RBPJ: variants seen among roughly 807,000 people sequenced by gnomAD.
RBPJ encodes the protein recombination signal binding protein for immunoglobulin kappa J region, also known as recombining binding protein suppressor of hairless.
A neutral mutation model predicts 67.8 loss-of-function variants in RBPJ; 9 were observed. The ratio of observed to expected loss-of-function variants is 0.13; its 90% CI spans 0.08 to 0.23. The LOEUF is 0.23. Among genes scored for constraint, RBPJ ranks in the 10% least tolerant of loss-of-function variants. The pLI is 1.00. For missense variants in RBPJ, 305 were observed against 595.6 expected (o/e 0.51, Z 5.08); for synonymous variants, 198 against 203.3 (o/e 0.97, Z 0.22).
intron 2 of RBPJ, among the ~76,000 whole-genome samples, chr4:26,402,510 G>A (rs182028980): frequency 3.3e-5 from 5 of 152,292 alleles, no homozygotes; most frequent in African/African-American, 1.2e-4. Context: ...ATAAAATAGA[G>A]ACTTTCATAC....
intron 1 of RBPJ, among the ~76,000 whole-genome samples, chr4:26,221,846 G>T (rs1433269824): frequency 6.6e-6 from 1 of 152,202 alleles, no homozygotes; most frequent in Non-Finnish European, 1.5e-5. Context: ...ACTTAAGGCT[G>T]GGTGCGGTGA....
At chr4:26,167,148 G>A (rs969118059) in intron 1 of RBPJ, among the ~76,000 whole-genome samples, 39 of 152,070 alleles carry the variant, frequency 2.6e-4, no homozygotes, top group Non-Finnish European at 5.2e-4. Flanking sequence ...GTCAGGTAGC[G>A]TGATGCCTCC....
chr4:26,415,042 G>T (rs1414453918), intron 3 of RBPJ, among the ~76,000 whole-genome samples: 1 of 152,126 alleles, frequency 6.6e-6, no homozygotes, highest in Non-Finnish European at 1.5e-5. Flanking sequence ...TAAGTTAAAT[G>T]CAGTATCCAT....
intron 2 of RBPJ, among the ~76,000 whole-genome samples, chr4:26,397,709 C>T (rs1347488759): frequency 1.3e-5 from 2 of 152,174 alleles, no homozygotes; most frequent in South Asian, 4.1e-4. Flanking sequence ...TCTTGCCTCA[C>T]TGCAACCTCC....
chr4:26,320,968 C>G, upstream of RBPJ: 2 of 1,612,174 alleles, frequency 1.2e-6, no homozygotes, highest in Non-Finnish European at 1.7e-6. Flanking sequence ...GGGAGAGGGA[C>G]CAGGGAAGGC....
the RBPJ span, among the ~76,000 whole-genome samples, chr4:26,155,586 C>A: frequency 6.6e-6 from 1 of 152,090 alleles, no homozygotes; most frequent in East Asian, 1.9e-4. Context: ...AGGCATGCAC[C>A]ACCACGCCTG....
rs773773046 is a variant in RBPJ, at chr4:26,430,529, G to A, written c.1148+7G>A. Reference sequence around the variant, plus strand: ...AAGCTGAAACTATGTACAGGTACTTGATAAAACTTTTTGCATCATCCAGAG... The same window carrying A: ...AAGCTGAAACTATGTACAGGTACTTAATAAAACTTTTTGCATCATCCAGAG... On this transcript the variant is annotated splice_region_variant and intron_variant, in intron 10 of 10. Transcript: ENST00000355476. The surrounding 1 kb of genome is among the most constrained non-coding windows in gnomAD (Gnocchi z 4.1). 1 of 1,590,338 alleles carries A rather than the reference G, an allele frequency of 6.3e-7. No individual in the cohort carries two copies. Among genetic ancestry groups the A allele is most frequent in the South Asian group, 1.2e-5 (1 of 86,930 alleles).
chr4:26,426,740 G>A (rs898441383), intron 7 of RBPJ, among the ~76,000 whole-genome samples: 4 of 152,104 alleles, frequency 2.6e-5, no homozygotes, highest in Admixed American at 6.5e-5. Context: ...TCAAAGAACC[G>A]GTAATTGAGT....
intron 2 of RBPJ, among the ~76,000 whole-genome samples, chr4:26,396,089 G>A (rs1732090141): frequency 6.6e-6 from 1 of 152,166 alleles, no homozygotes; most frequent in Non-Finnish European, 1.5e-5. Context: ...AAATATTCAT[G>A]TTTCAACCTA....
At chr4:26,304,918 T>C (rs1387374686) in intron 1 of RBPJ, among the ~76,000 whole-genome samples, 4 of 152,162 alleles carry the variant, frequency 2.6e-5, no homozygotes, top group African/African-American at 9.7e-5. Context: ...AAATCATTGC[T>C]AATCCAAGAT....
intron 1 of RBPJ, among the ~76,000 whole-genome samples, chr4:26,237,494 T>C (rs928535356): frequency 3.9e-5 from 6 of 152,124 alleles, no homozygotes; most frequent in Non-Finnish European, 8.8e-5. Flanking sequence ...AGAAGGAAAA[T>C]GTTTGTTTAG....
At chr4:26,343,800 G>A (rs1435655089) in intron 1 of RBPJ, among the ~76,000 whole-genome samples, 2 of 139,252 alleles carry the variant, frequency 1.4e-5, no homozygotes, top group East Asian at 4.2e-4. Flanking sequence ...GCCCAGACTG[G>A]AGTGCAATAG....
Position 26,195,740 on chromosome 4 carries a change from G to A in RBPJ, c.-167+32126G>A, listed in dbSNP as rs746278729. Among the ~76,000 whole-genome samples the A allele has an allele frequency of 6.6e-5, 10 of 151,166 alleles. No individual in the cohort carries two copies. The East Asian group carries it at 9.8e-4, about 15-fold the overall frequency. ...CTCCTGGGTAGCTGGGATTACAGGCGCCCACCACTACACCCAGCTAATTTT... is the reference window on the plus strand; with the variant it reads ...CTCCTGGGTAGCTGGGATTACAGGCACCCACCACTACACCCAGCTAATTTT... On this transcript the variant is annotated intron_variant, in intron 1 of 4. Coordinates refer to the RBPJ transcript ENST00000512351.
chr4:26,415,436 T>A, intron 3 of RBPJ, 39 bp from the exon 4 acceptor site: 1 of 1,474,982 alleles, frequency 6.8e-7, no homozygotes, highest in Non-Finnish European at 9.2e-7. Flanking sequence ...CTAATTGATT[T>A]TTGCTTCTTG....
At chr4:26,297,332 C>A (rs1393646912) in intron 1 of RBPJ, among the ~76,000 whole-genome samples, 1 of 126,614 alleles carries the variant, frequency 7.9e-6, no homozygotes, top group African/African-American at 3.3e-5. Context: ...TAAAAAATCA[C>A]TTTGTGTGTG....
intron 1 of RBPJ, among the ~76,000 whole-genome samples, chr4:26,385,938 A>C (rs1730871432): frequency 6.6e-6 from 1 of 152,002 alleles, no homozygotes; most frequent in Non-Finnish European, 1.5e-5. Context: ...GAGTAGCTGC[A>C]ACTACAGACA....
rs1296473118 is a variant in RBPJ, at chr4:26,432,835, A to AAC, written c.*1829_*1830insCA. The stretch of plus-strand genomic sequence containing the variant: ...CTTTCTGGTGTCCTGGGCTGTTTTG[A>AAC]AAAAGTTTCCATTAATAGACTTTTT... On this transcript the variant is annotated 3_prime_UTR_variant, in exon 11 of 11. Coordinates refer to ENST00000355476, the MANE Select transcript of RBPJ (RefSeq NM_015874.6). 1 of 152,222 alleles carries AAC rather than the reference A, an allele frequency of 6.6e-6. No individual in the cohort carries two copies. Among genetic ancestry groups the AAC allele is most frequent in the Non-Finnish European group, 1.5e-5 (1 of 68,038 alleles). The allele number at this position is 152,222 out of a possible 1,614,324, so 9.4% of individuals were successfully genotyped here.
chr4:26,135,575 A>G, the RBPJ span, among the ~76,000 whole-genome samples: 1 of 151,896 alleles, frequency 6.6e-6, no homozygotes, highest in Admixed American at 6.6e-5. Context: ...AAGTGGCTTG[A>G]CCTTAGGCCT....
At chr4:26,165,436 G>C (rs1487231647) in intron 1 of RBPJ, among the ~76,000 whole-genome samples, 4 of 152,210 alleles carry the variant, frequency 2.6e-5, no homozygotes, top group African/African-American at 7.2e-5. Flanking sequence ...ACAGATGTTA[G>C]TTATAGAATT....
Sources: allele counts gnomAD v4.1 joint callset (sites outside exome capture counted in the v4.1 genomes callset), GRCh38; gene constraint gnomAD v4.1.1; non-coding constraint Gnocchi (gnomAD v3.1); transcripts MANE v1.5; gene names NCBI Gene and HGNC (gene_info 2026-07-23, HGNC 2026-07-21).